MSR1: variants seen among roughly 807,000 people sequenced by gnomAD.
MSR1 encodes macrophage scavenger receptor 1.
Under a neutral mutation model 47.2 loss-of-function variants are expected in MSR1, and 53 were observed. That is an observed-to-expected ratio of 1.12 (90% CI 0.90 to 1.41). The LOEUF (loss-of-function observed/expected upper bound fraction) is 1.41, where lower values mean the gene tolerates loss of function less well. Among genes scored for constraint, MSR1 ranks in the 40% most tolerant of loss-of-function variants. The pLI is 0.00. For missense variants in MSR1, 786 were observed against 546.9 expected, an observed-to-expected ratio of 1.44 and a Z score of -4.36; for synonymous variants, 239 against 185.6, an observed-to-expected ratio of 1.29 and a Z score of -2.34.
At chr8:16,165,745 T>C (rs1397749619) in intron 4 of MSR1, among the ~76,000 whole-genome samples, 1 of 152,148 alleles carries the variant, frequency 6.6e-6, no homozygotes, top group East Asian at 1.9e-4. Flanking sequence ...GGTCAGAGTG[T>C]AGGACCTTCG....
At chr8:16,139,169 A>G (rs993300024) in intron 8 of MSR1, 1 of 643,930 alleles carries the variant, frequency 1.6e-6, no homozygotes, top group African/African-American at 2.0e-5. Context: ...CTTTTTCTCG[A>G]GCATCTCTCT....
At chr8:16,137,989 C>G in intron 8 of MSR1, among the ~76,000 whole-genome samples, 1 of 149,114 alleles carries the variant, frequency 6.7e-6, no homozygotes. Flanking sequence ...AAGACTCTGT[C>G]TCTTAAAAAA....
At chr8:16,189,841 T>A (rs1189111318) in intron 1 of MSR1, among the ~76,000 whole-genome samples, 2 of 146,248 alleles carry the variant, frequency 1.4e-5, no homozygotes, top group African/African-American at 5.0e-5. Context: ...ATATAATTTT[T>A]TCTTTTAAAC....
At chr8:16,131,441 G>GTTTTTTTTTTTTTGTTTTTTTTTTTTTTT (rs1800254491) in intron 8 of MSR1, among the ~76,000 whole-genome samples, 1 of 54,660 alleles carries the variant, frequency 1.8e-5, no homozygotes, top group African/African-American at 8.1e-5. Flanking sequence ...TCTGTTGATA[G>GTTTTTTTTTTTTTGTTTTTTTTTTTTTTT]TTTTTTTTTT....
In MSR1 at chr8:16,190,432, T is replaced by G. The variant is rs74643139; in HGVS notation, c.-5+2166A>C. Among the ~76,000 whole-genome samples the G allele has an allele frequency of 3.7e-3, 568 of 152,274 alleles. 24 individuals are homozygous for G. The East Asian group carries it at 0.098, about 26-fold the overall frequency. On this transcript the variant is annotated intron_variant, in intron 1 of 9. Transcript: ENST00000262101. ...AAAGCTTATTTTAGAATCATTTAGA[T>G]TTTGATAAGAGTTAAATAATACCTA...
intron 7 of MSR1, among the ~76,000 whole-genome samples, chr8:16,144,213 T>G (rs898569980): frequency 6.6e-6 from 1 of 152,086 alleles, no homozygotes; most frequent in Non-Finnish European, 1.5e-5. Flanking sequence ...TTCAAATGGA[T>G]GCAGAAACAT....
intron 5 of MSR1, 55 bp from the exon 6 acceptor site, chr8:16,155,199 T>A (rs1800971782): frequency 7.6e-7 from 1 of 1,320,292 alleles, no homozygotes; most frequent in African/African-American, 1.4e-5. Flanking sequence ...AAAAATGGGT[T>A]AGTCATCTGT....
chr8:16,120,616 T>TAAAAAATAAAAAAA lies in MSR1; in HGVS notation c.1034-11_1034-10insTTTTTTTATTTTTT. The TAAAAAATAAAAAAA allele has an allele frequency of 8.4e-7, 1 of 1,195,930 alleles. No individual in the cohort carries two copies. Among genetic ancestry groups the TAAAAAATAAAAAAA allele is most frequent in the Non-Finnish European group, 1.1e-6 (1 of 940,724 alleles). 74.1% of individuals were successfully genotyped at this position (1,195,930 alleles called of 1,614,324 possible). ...ACTTTCGTAAATGGAGCTGTAAAGTTAAAAAAAAAAAAAAAAAAAAAAAAA... is the reference window on the plus strand; with the variant it reads ...ACTTTCGTAAATGGAGCTGTAAAGTTAAAAAATAAAAAAAAAAAAAAAAAAAAAAAAAAAAAAAA... On this transcript the variant is annotated splice_polypyrimidine_tract_variant and intron_variant, in intron 8 of 9. Transcript: ENST00000262101.
At chr8:16,114,918 C>T (rs959435564) in intron 9 of MSR1, among the ~76,000 whole-genome samples, 5 of 152,148 alleles carry the variant, frequency 3.3e-5, no homozygotes, top group Non-Finnish European at 7.4e-5. Context: ...TGGCTCATGC[C>T]TGTAATCCCA....
intron 2 of MSR1, among the ~76,000 whole-genome samples, 173 bp downstream of exon 2, chr8:16,177,713 C>T (rs891952681): frequency 6.6e-6 from 1 of 152,076 alleles, no homozygotes; most frequent in Admixed American, 6.6e-5. Context: ...TATAATACTG[C>T]CTTACTTTTA....
At chr8:16,123,292 G>T (rs758196582) in intron 8 of MSR1, among the ~76,000 whole-genome samples, 1 of 152,116 alleles carries the variant, frequency 6.6e-6, no homozygotes, top group Non-Finnish European at 1.5e-5. Context: ...TAGAGGAAAG[G>T]CGTCTCAATA....
chr8:16,120,374 C>T (rs35886012), intron 9 of MSR1, 44 bp downstream of exon 9: 1 of 1,604,836 alleles, frequency 6.2e-7, no homozygotes, highest in East Asian at 2.2e-5. Flanking sequence ...GAGACTCTGT[C>T]TGAAACAACA....
At chr8:16,188,131 C>T (rs113006440) in intron 1 of MSR1, among the ~76,000 whole-genome samples, 4 of 152,064 alleles carry the variant, frequency 2.6e-5, no homozygotes, top group African/African-American at 4.8e-5. Flanking sequence ...ATTAAAAGCA[C>T]GTGCTCATGA....
chr8:16,186,381 T>C, intron 1 of MSR1: 1 of 574,890 alleles, frequency 1.7e-6, no homozygotes, highest in East Asian at 2.8e-5. Flanking sequence ...GACTCTTAAG[T>C]CTTTATCTCT....
intron 7 of MSR1, among the ~76,000 whole-genome samples, chr8:16,146,792 T>C (rs897917496): frequency 2.6e-5 from 4 of 152,156 alleles, no homozygotes; most frequent in African/African-American, 9.7e-5. Context: ...CCATAAAATA[T>C]TATTAAAATC....
At chr8:16,125,407 G>GTTAACACA (rs1476606746) in intron 8 of MSR1, among the ~76,000 whole-genome samples, 4 of 152,018 alleles carry the variant, frequency 2.6e-5, no homozygotes, top group Non-Finnish European at 4.4e-5. Context: ...ATGATCTTTC[G>GTTAACACA]TTAACACATT....
Position 16,177,962 on chromosome 8 carries a change from A to G in MSR1, c.27T>C (p.Asn9=), listed in dbSNP as rs1320540259. The part of the protein sequence containing the change: MEQWDHFH[N]QQEDTDSCSE... ...AGCAGCTATCAGTGTCCTCCTGTTG[A>G]TTGTGAAAGTGATCCCACTGCTCCA... The change falls in exon 2 of 10, where the codon AAT becomes AAC. Residue 9 remains asparagine (N), a synonymous_variant. Coordinates refer to ENST00000262101, the MANE Select transcript of MSR1 (RefSeq NM_138715.3). The G allele has an allele frequency of 1.2e-6, 2 of 1,613,812 alleles. No homozygotes were observed. The highest frequency in any genetic ancestry group is 2.7e-5 in the African/African-American group (2 of 74,916).
intron 5 of MSR1, among the ~76,000 whole-genome samples, chr8:16,163,095 A>T (rs1395787686): frequency 6.6e-6 from 1 of 152,050 alleles, no homozygotes; most frequent in Non-Finnish European, 1.5e-5. Flanking sequence ...TAAGGTCAAC[A>T]ATCAATAAGA....
At chr8:16,182,481 C>T (rs1009057459) in intron 1 of MSR1, among the ~76,000 whole-genome samples, 4 of 152,030 alleles carry the variant, frequency 2.6e-5, no homozygotes, top group African/African-American at 9.7e-5. Context: ...TATAATAACA[C>T]CTGGCTTAAA....
Sources: gnomAD v4.1 joint callset for allele counts (sites outside exome capture counted in the v4.1 genomes callset) on GRCh38, gnomAD v4.1.1 for gene constraint, MANE v1.5 for transcripts, NCBI Gene and HGNC (gene_info 2026-07-23, HGNC 2026-07-21) for gene names.